TSC1: variants seen among roughly 807,000 people sequenced by gnomAD.
The protein encoded by TSC1 is hamartin.
In TSC1, 20 loss-of-function variants were observed where a neutral mutation model predicts 124.3. The ratio of observed to expected loss-of-function variants is 0.16; its 90% confidence interval spans 0.11 to 0.23. TSC1 has a LOEUF of 0.23. Ranked by LOEUF, TSC1 falls within the 10% of genes least tolerant of loss-of-function variation. The probability of loss-of-function intolerance (pLI) is 1.00; values close to 1 mark genes in which losing one functional copy is unlikely to be tolerated. For synonymous variants in TSC1, 493 were observed against 539.1 expected (o/e 0.91, Z 1.19); for missense variants, 1,124 against 1,448.5 (o/e 0.78, Z 3.64).
chr9:132,930,304 T>C (rs906550543), intron 2 of TSC1, among the ~76,000 whole-genome samples: 2 of 152,088 alleles, frequency 1.3e-5, no homozygotes, highest in Non-Finnish European at 2.9e-5. Flanking sequence ...ATGTAGTGGC[T>C]GAGGCCAGGC....
chr9:132,910,753 T>A (rs1845912558), intron 11 of TSC1, 61 bp from the exon 12 acceptor site: 1 of 1,608,424 alleles, frequency 6.2e-7, no homozygotes, highest in Admixed American at 1.7e-5. Context: ...AAACTGCCGA[T>A]TTTTTTTCAG....
Position 132,892,026 on chromosome 9 carries a change from T to G in TSC1, c.*4209A>C, listed in dbSNP as rs986559590. 1.4e-4 allele frequency: 33 copies of G among 233,058 alleles called. No individual in the cohort carries two copies. Among genetic ancestry groups the G allele is most frequent in the African/African-American group, 7.3e-4 (33 of 45,330 alleles). The allele number at this position is 233,058 out of a possible 1,614,324, so 14.4% of individuals were successfully genotyped here. A position where few individuals can be genotyped will look rare whatever the true frequency, so the allele number is the denominator to read the frequency against. ...GCTCCTCTGCCATCATTAACTCGTT[T>G]CATGACCAGAAGCCATGGGCACAGG... On this transcript the variant is annotated 3_prime_UTR_variant, in exon 23 of 23. Transcript: ENST00000298552.
rs1248292939 is a variant in TSC1 at position 132,894,662 on chromosome 9, G to C, written c.*1573C>G. ...GTCTCTAACTGTCTAGTCCCCTTTA[G>C]TTAGGGATGCTAGAATATTTATTGC... On this transcript the variant is annotated 3_prime_UTR_variant, in exon 23 of 23. Transcript: ENST00000298552. The C allele has an allele frequency of 2.0e-5, 3 of 152,194 alleles. No homozygotes were observed. The allele number at this position is 152,194 out of a possible 1,614,324, so 9.4% of individuals were successfully genotyped here.
At chr9:132,913,498 C>G (rs1419796795) in intron 8 of TSC1, among the ~76,000 whole-genome samples, 1 of 152,008 alleles carries the variant, frequency 6.6e-6, no homozygotes, top group Non-Finnish European at 1.5e-5. Flanking sequence ...TGGGTTATTT[C>G]TTCTTTCCAT....
intron 1 of TSC1, among the ~76,000 whole-genome samples, chr9:132,937,878 C>A (rs1320408000): frequency 6.6e-6 from 1 of 152,130 alleles, no homozygotes; most frequent in Non-Finnish European, 1.5e-5. Flanking sequence ...CCATGCCCAA[C>A]TAATTTTTGT....
At position 132,900,728 on chromosome 9, in the gene TSC1, G is replaced by A. The variant is rs1166302175; in HGVS notation, c.2612C>T (p.Ser871Leu). 6.2e-7 allele frequency: 1 copy of A among 1,614,130 alleles called. No individual in the cohort carries two copies. Among genetic ancestry groups the A allele is most frequent in the Admixed American group, 1.7e-5 (1 of 60,026 alleles). The change falls in exon 20 of 23, where the codon TCA (serine) becomes TTA (leucine). Residue 871 changes from serine to leucine, a missense_variant. By Grantham distance (145) the Ser-to-Leu change is moderately radical (BLOSUM62 -2). Coordinates refer to ENST00000298552, the MANE Select transcript of TSC1 (RefSeq NM_000368.5). The stretch of plus-strand genomic sequence containing the variant: ...GCCCTGGCATACCTTTGTGGTATCT[G>A]AGTGCTTGTTCTGCAGTTGTTCCAA... ...LYLEQLQNKH[S>L]DTTKEVEMMK... is the part of the protein sequence containing the mutation.
Position 132,896,627 on chromosome 9 carries a change from C to T in TSC1, c.3103G>A (p.Gly1035Ser), listed in dbSNP as rs118203742. 3,336 of 1,613,806 alleles carry T rather than the reference C, an allele frequency of 2.1e-3. 7 individuals carry two copies. The highest frequency in any genetic ancestry group is 2.5e-3 in the Non-Finnish European group (2,976 of 1,179,818). ...SARGSSGSRG[G>S]GGSSSSSSEL... ...CTGCTGCTGCTGCTGCTGCCTCCAC[C>T]ACCTCTGCTTCCACTACTGCCCCGG... Residue 1035 changes from glycine to serine, a missense_variant, in exon 23 of 23, where the codon GGT becomes AGT. This residue lies in a region of TSC1 where 325 missense variants were observed against 383.4 expected (regional missense o/e 0.85). Transcript: ENST00000298552. The surrounding 1 kb of genome is among the most constrained non-coding windows in gnomAD (Gnocchi z 4.5).
chr9:132,939,364 C>A (rs991787166), intron 1 of TSC1: 4 of 152,184 alleles, frequency 2.6e-5, no homozygotes, highest in African/African-American at 9.7e-5. Flanking sequence ...CATGTGTAGT[C>A]ATGTGTGATT....
rs1272957842 is a variant in TSC1 at position 132,903,541 on chromosome 9, G to T, written c.2208+110C>A. ...TCTCAAGCGACCTGCCCAAAGGAGT[G>T]GGAAGGACTGGGAACTCTGACCTCC... On this transcript the variant is annotated intron_variant, in intron 17 of 22. Transcript: ENST00000298552. The surrounding 1 kb of genome is among the most constrained non-coding windows in gnomAD (Gnocchi z 5.9). The T allele has an allele frequency of 6.6e-7, 1 of 1,507,960 alleles. No homozygotes were observed. Among genetic ancestry groups the T allele is most frequent in the Non-Finnish European group, 9.2e-7 (1 of 1,089,726 alleles). The allele number at this position is 1,507,960 out of a possible 1,614,324, so 93.4% of individuals were successfully genotyped here.
At position 132,911,093 on chromosome 9, in the gene TSC1, A is replaced by G. The variant is rs150777389; in HGVS notation, c.1050T>C (p.Ser350=). 2.2e-5 allele frequency: 35 copies of G among 1,614,076 alleles called. No homozygotes were observed. The highest frequency in any genetic ancestry group is 3.0e-5 in the Non-Finnish European group (35 of 1,180,014). ...GAGGAGTGGTCATACCACAAACCAT[A>G]GATGGGCTCCAAAGAGTAGCCTGGG... ...EPPQATLWSP[S]MVCGMTTPPT... Residue 350 remains serine, a synonymous_variant, in exon 11 of 23, where the codon TCT becomes TCC. Coordinates refer to ENST00000298552, the MANE Select transcript of TSC1 (RefSeq NM_000368.5).
rs1844832530 is a variant in TSC1, at chr9:132,892,648, G to A, written c.*3587C>T. ...CCTCCCACCTCTTAGTGCTTTCAGC[G>A]AGAAAAGGTGAGTCTCATTACGCAG... is the stretch of plus-strand genomic sequence containing the variant. On this transcript the variant is annotated 3_prime_UTR_variant, in exon 23 of 23. Coordinates refer to ENST00000298552, the MANE Select transcript of TSC1 (RefSeq NM_000368.5). The A allele has an allele frequency of 8.6e-6, 2 of 233,240 alleles. No homozygotes were observed. The highest frequency in any genetic ancestry group is 1.7e-5 in the Non-Finnish European group (2 of 118,104). 14.4% of individuals were successfully genotyped at this position (233,240 alleles called of 1,614,324 possible).
intron 1 of TSC1, among the ~76,000 whole-genome samples, chr9:132,943,232 A>T (rs939885305): frequency 3.9e-5 from 3 of 76,150 alleles, no homozygotes; most frequent in East Asian, 2.6e-4. Flanking sequence ...CTTTCTATTT[A>T]AAAAAAAAAA....
intron 8 of TSC1, among the ~76,000 whole-genome samples, chr9:132,919,077 T>C (rs1846406860): frequency 6.6e-6 from 1 of 152,362 alleles, no homozygotes; most frequent in Admixed American, 6.5e-5. Flanking sequence ...CTAGATGTTA[T>C]AGGCTCCTAG....
intron 1 of TSC1, among the ~76,000 whole-genome samples, chr9:132,938,797 G>A (rs920149304): frequency 2.0e-5 from 3 of 152,230 alleles, no homozygotes; most frequent in Admixed American, 1.3e-4. Flanking sequence ...TCTTTAGAAT[G>A]GATTTATCTG....
At chr9:132,929,721 C>G (rs188812062) in intron 2 of TSC1, among the ~76,000 whole-genome samples, 1 of 152,318 alleles carries the variant, frequency 6.6e-6, no homozygotes, top group African/African-American at 2.4e-5. Flanking sequence ...CAACAGTTAT[C>G]ATTCATAAGC....
At chr9:132,919,148 G>A (rs1231848977) in intron 8 of TSC1, among the ~76,000 whole-genome samples, 1 of 152,212 alleles carries the variant, frequency 6.6e-6, no homozygotes, top group African/African-American at 2.4e-5. Flanking sequence ...ACAACAGTAG[G>A]TATTTGTGTA....
intron 16 of TSC1, among the ~76,000 whole-genome samples, chr9:132,904,149 A>C (rs927615501): frequency 6.6e-6 from 1 of 152,006 alleles, no homozygotes; most frequent in East Asian, 1.9e-4. Context: ...AAGATGCTTC[A>C]CTCTGGTCTT....
rs1845433817 is a variant in TSC1 at position 132,902,501 on chromosome 9, G to A, written c.2391+104C>T. The A allele has an allele frequency of 7.4e-7, 1 of 1,356,448 alleles. No homozygotes were observed. The highest frequency in any genetic ancestry group is 1.1e-6 in the Non-Finnish European group (1 of 951,008). The allele number at this position is 1,356,448 out of a possible 1,614,324, so 84.0% of individuals were successfully genotyped here. Reference sequence around the variant, plus strand: ...TTCAGAGAGAAAAGCATTCAGCTTAGTAAAGCTGAACAAGTCAAGGACACC... The same window carrying A: ...TTCAGAGAGAAAAGCATTCAGCTTAATAAAGCTGAACAAGTCAAGGACACC... On this transcript the variant is annotated intron_variant, in intron 18 of 22. Transcript: ENST00000298552. The surrounding 1 kb of genome is among the most constrained non-coding windows in gnomAD (Gnocchi z 5.2).
intron 6 of TSC1, among the ~76,000 whole-genome samples, chr9:132,922,874 A>G (rs1846643227): frequency 6.6e-6 from 1 of 150,856 alleles, no homozygotes; most frequent in Non-Finnish European, 1.5e-5. Flanking sequence ...CGATAGGGGA[A>G]AAAAAAAAAC....
Sources: gnomAD v4.1 joint callset for allele counts (sites outside exome capture counted in the v4.1 genomes callset) on GRCh38, gnomAD v4.1.1 for gene constraint, gnomAD v4.1.1 regional missense constraint, Gnocchi (gnomAD v3.1) non-coding constraint, MANE v1.5 for transcripts, NCBI Gene and HGNC (gene_info 2026-07-23, HGNC 2026-07-21) for gene names.